Variants in FBXL7 observed in about 807,000 individuals in gnomAD.
FBXL7 encodes the protein F-box/LRR-repeat protein 7.
Under a neutral mutation model 38.3 loss-of-function variants are expected in FBXL7, and 12 were observed. The ratio of observed to expected loss-of-function variants is 0.31; its 90% CI spans 0.20 to 0.51. FBXL7 has a LOEUF of 0.51. Among genes scored for constraint, FBXL7 ranks in the 20% least tolerant of loss-of-function variants. The pLI, the probability that FBXL7 is intolerant of heterozygous loss-of-function variation, is 0.98. For synonymous variants in FBXL7, 297 were observed against 300.9 expected (o/e 0.99, Z 0.13); for missense variants, 567 against 676.4 (o/e 0.84, Z 1.79).
At chr5:15,768,095 GGTT>G (rs1370254442) in intron 2 of FBXL7, among the ~76,000 whole-genome samples, 2 of 152,192 alleles carry the variant, frequency 1.3e-5, no homozygotes, top group Admixed American at 6.5e-5. Flanking sequence ...CAGCAGGAAT[GGTT>G]GTTGTTTGTT....
chr5:15,811,310 A>G (rs2126753129), intron 2 of FBXL7, among the ~76,000 whole-genome samples: 1 of 152,290 alleles, frequency 6.6e-6, no homozygotes, highest in South Asian at 2.1e-4. Flanking sequence ...ACAGCTCTGG[A>G]GTCGAAAAGT....
chr5:15,786,914 A>C (rs192124192), intron 2 of FBXL7, among the ~76,000 whole-genome samples: 1 of 152,340 alleles, frequency 6.6e-6, no homozygotes, highest in African/African-American at 2.4e-5. Flanking sequence ...AAATGAGATC[A>C]TCTTGGATTA....
At chr5:15,759,345 T>A (rs1203827809) in intron 2 of FBXL7, among the ~76,000 whole-genome samples, 5 of 151,970 alleles carry the variant, frequency 3.3e-5, no homozygotes, top group Non-Finnish European at 5.9e-5. Flanking sequence ...CTTTCCTCAC[T>A]TTTTTTTAAT....
Position 15,927,887 on chromosome 5 carries a change from C to T in FBXL7, c.128-3C>T. 1 of 1,516,024 alleles carries T rather than the reference C, an allele frequency of 6.6e-7. No individual in the cohort carries two copies. Among genetic ancestry groups the T allele is most frequent in the South Asian group, 1.3e-5 (1 of 75,092 alleles). The allele number at this position is 1,516,024 out of a possible 1,614,324, so 93.9% of individuals were successfully genotyped here. ...TTAACCTTTGTTCTCTGTCCTTTGCCAGACTCCGACCTGAGCATGCGCACA... is the reference window on the plus strand; with the variant it reads ...TTAACCTTTGTTCTCTGTCCTTTGCTAGACTCCGACCTGAGCATGCGCACA... On this transcript the variant is annotated splice_polypyrimidine_tract_variant and splice_region_variant and intron_variant, in intron 2 of 3. Coordinates refer to ENST00000504595, the MANE Select transcript of FBXL7 (RefSeq NM_012304.5).
At chr5:15,925,077 G>C (rs1257457328) in intron 2 of FBXL7, among the ~76,000 whole-genome samples, 1 of 152,190 alleles carries the variant, frequency 6.6e-6, no homozygotes, top group African/African-American at 2.4e-5. Flanking sequence ...TACTCTGTCT[G>C]AGGTGAACTG....
At chr5:15,664,522 A>C (rs1742206287) in intron 2 of FBXL7, among the ~76,000 whole-genome samples, 2 of 121,834 alleles carry the variant, frequency 1.6e-5, no homozygotes, top group Non-Finnish European at 3.1e-5. Context: ...CCCAGGCTGG[A>C]GTGCAGTGGC....
At chr5:15,806,760 C>A (rs1376263953) in intron 2 of FBXL7, among the ~76,000 whole-genome samples, 1 of 152,094 alleles carries the variant, frequency 6.6e-6, no homozygotes, top group East Asian at 1.9e-4. Flanking sequence ...AGGGGGCCCA[C>A]GTATAGCTAG....
chr5:15,669,674 C>G (rs529878190), intron 2 of FBXL7, among the ~76,000 whole-genome samples: 3 of 152,282 alleles, frequency 2.0e-5, no homozygotes, highest in East Asian at 3.9e-4. Flanking sequence ...CACCCGTGCT[C>G]CCTCCCACCC....
intron 2 of FBXL7, among the ~76,000 whole-genome samples, chr5:15,783,253 G>C (rs1483966279): frequency 6.6e-6 from 1 of 152,194 alleles, no homozygotes; most frequent in Non-Finnish European, 1.5e-5. Context: ...TGAAGAATGG[G>C]AACCATGGCA....
chr5:15,544,703 G>C (rs558568289), intron 1 of FBXL7, among the ~76,000 whole-genome samples: 1 of 152,182 alleles, frequency 6.6e-6, no homozygotes, highest in Admixed American at 6.5e-5. Context: ...TTGCTTGTGA[G>C]TAGGGAGATT....
At chr5:15,534,895 C>T (rs1737535213) in intron 1 of FBXL7, among the ~76,000 whole-genome samples, 5 of 152,188 alleles carry the variant, frequency 3.3e-5, no homozygotes, top group Admixed American at 3.3e-4. Flanking sequence ...TGTGTCCCCA[C>T]CCAAATCTCA....
At chr5:15,655,898 G>T (rs1466857123) in intron 2 of FBXL7, among the ~76,000 whole-genome samples, 1 of 152,170 alleles carries the variant, frequency 6.6e-6, no homozygotes, top group Admixed American at 6.5e-5. Flanking sequence ...ATTGTATCTG[G>T]AGTGCTCTAG....
At chr5:15,727,805 C>A (rs1735449975) in intron 2 of FBXL7, among the ~76,000 whole-genome samples, 1 of 152,078 alleles carries the variant, frequency 6.6e-6, no homozygotes, top group African/African-American at 2.4e-5. Flanking sequence ...TGTAAATATT[C>A]TCGCTGATTC....
At chr5:15,935,238 C>T (rs577167019) in intron 3 of FBXL7, 2 of 534,748 alleles carry the variant, frequency 3.7e-6, no homozygotes, top group Non-Finnish European at 3.8e-6. Context: ...AGTGAACGGG[C>T]GCCATCCCGA....
chr5:15,694,169 G>A (rs1743263268), intron 2 of FBXL7, among the ~76,000 whole-genome samples: 1 of 152,116 alleles, frequency 6.6e-6, no homozygotes, highest in African/African-American at 2.4e-5. Flanking sequence ...CTTCCTCTAG[G>A]GGTCTGAGTA....
intron 2 of FBXL7, among the ~76,000 whole-genome samples, chr5:15,725,373 T>G (rs546031292): frequency 6.6e-6 from 1 of 152,318 alleles, no homozygotes; most frequent in African/African-American, 2.4e-5. Flanking sequence ...TCTAATTTCC[T>G]TTGTGATTTC....
At chr5:15,816,515 T>G (rs1205819351) in intron 2 of FBXL7, among the ~76,000 whole-genome samples, 1 of 152,082 alleles carries the variant, frequency 6.6e-6, no homozygotes, top group Non-Finnish European at 1.5e-5. Flanking sequence ...GGGGAAGGGT[T>G]AAAAACTACA....
At chr5:15,899,078 T>TA (rs947209082) in intron 2 of FBXL7, among the ~76,000 whole-genome samples, 2 of 152,094 alleles carry the variant, frequency 1.3e-5, no homozygotes, top group African/African-American at 2.4e-5. Context: ...TATATATATA[T>TA]TTTTTGAGAC....
At chr5:15,825,645 A>G (rs1056750617) in intron 2 of FBXL7, among the ~76,000 whole-genome samples, 6 of 152,184 alleles carry the variant, frequency 3.9e-5, no homozygotes, top group Admixed American at 3.3e-4. Context: ...TGGAAATTTT[A>G]TTTTAAGTGT....
Sources: gnomAD v4.1 joint callset for allele counts (sites outside exome capture counted in the v4.1 genomes callset) on GRCh38, gnomAD v4.1.1 for gene constraint, MANE v1.5 for transcripts, NCBI Gene and HGNC (gene_info 2026-07-23, HGNC 2026-07-21) for gene names.